The following TANGO6 variants were observed in gnomAD, a reference collection of about 807,000 sequenced individuals.
TANGO6 encodes transport and Golgi organization protein 6 homolog.
In TANGO6, 90 loss-of-function variants were observed where a neutral mutation model predicts 114.2. The observed-to-expected ratio is 0.79, with a 90% CI of 0.66 to 0.94. The LOEUF is 0.94. TANGO6 is among the 40% of genes least tolerant of loss of function. TANGO6 has a pLI of 0.00. For synonymous variants in TANGO6, 477 were observed against 509.8 expected, an observed-to-expected ratio of 0.94 and a Z score of 0.87; for missense variants, 1,274 against 1,315.3, an observed-to-expected ratio of 0.97 and a Z score of 0.49.
At chr16:69,044,215 C>T (rs1042833267) in intron 17 of TANGO6, among the ~76,000 whole-genome samples, 5 of 152,144 alleles carry the variant, frequency 3.3e-5, no homozygotes, top group South Asian at 2.1e-4. Flanking sequence ...CAGATTTGCA[C>T]CATCACGCTC....
chr16:68,853,298 A>G (rs1271119141), intron 1 of TANGO6, among the ~76,000 whole-genome samples: 2 of 151,434 alleles, frequency 1.3e-5, no homozygotes, highest in Non-Finnish European at 2.9e-5. Context: ...AAAAGCATAT[A>G]CTTTTGTCAT....
intron 15 of TANGO6, among the ~76,000 whole-genome samples, chr16:69,010,002 C>T (rs1044127884): frequency 2.0e-5 from 3 of 152,162 alleles, no homozygotes; most frequent in Admixed American, 6.5e-5. Flanking sequence ...CGATTGATGA[C>T]CTGATTCCTC....
intron 17 of TANGO6, among the ~76,000 whole-genome samples, chr16:69,066,620 G>C (rs746657063): frequency 3.9e-5 from 6 of 151,986 alleles, no homozygotes; most frequent in Non-Finnish European, 7.4e-5. Context: ...CTTATTCCTT[G>C]GTGGTAAACC....
intron 15 of TANGO6, among the ~76,000 whole-genome samples, chr16:69,001,161 A>G (rs116775218): frequency 6.6e-6 from 1 of 152,282 alleles, no homozygotes; most frequent in African/African-American, 2.4e-5. Context: ...AGGATACAGG[A>G]CAGAATGGCC....
chr16:68,849,085 A>G (rs1406794084), intron 1 of TANGO6, among the ~76,000 whole-genome samples: 2 of 152,226 alleles, frequency 1.3e-5, no homozygotes, highest in African/African-American at 4.8e-5. Context: ...CTATAATCCC[A>G]GCACTTTGGG....
rs774902775 is a variant in TANGO6, at chr16:68,843,669, G to T, written c.52G>T (p.Asp18Tyr). 1.2e-6 allele frequency: 2 copies of T among 1,613,792 alleles called. No individual in the cohort carries two copies. Among genetic ancestry groups the T allele is most frequent in the Non-Finnish European group, 1.7e-6 (2 of 1,179,742 alleles). ...GSGAQETCGLDRILEALKLLL... is the reference protein window; with the variant it reads ...GSGAQETCGLYRILEALKLLL... ...CGGGGCTCAGGAGACATGCGGTCTG[G>T]ATCGGATTTTGGAGGCATTGAAGCT... Residue 18 changes from aspartate to tyrosine, a missense_variant, in exon 1 of 18, where the codon GAT (aspartate) becomes TAT (tyrosine). By Grantham distance (160) the Asp-to-Tyr change is radical. Coordinates refer to ENST00000261778, the MANE Select transcript of TANGO6 (RefSeq NM_024562.2).
rs181182144 is a variant in TANGO6, at chr16:69,026,534, G to A, written c.2994+3555G>A. ...ATAGGCACTGTACAGGTCATAGCTCGCAGCCTGCATGGACCCCTGGGTTGA... is the reference window on the plus strand; with the variant it reads ...ATAGGCACTGTACAGGTCATAGCTCACAGCCTGCATGGACCCCTGGGTTGA... On this transcript the variant is annotated intron_variant, in intron 16 of 17. Coordinates refer to ENST00000261778, the MANE Select transcript of TANGO6 (RefSeq NM_024562.2). 391 of 165,292 alleles carry A rather than the reference G, an allele frequency of 2.4e-3. 2 individuals carry two copies. Among genetic ancestry groups the A allele is most frequent in the African/African-American group, 8.8e-3 (366 of 41,774 alleles). The allele number at this position is 165,292 out of a possible 1,614,324, so 10.2% of individuals were successfully genotyped here. A position where few individuals can be genotyped will look rare whatever the true frequency, so the allele number is the denominator to read the frequency against.
chr16:69,050,101 G>A (rs1018135855), intron 17 of TANGO6, among the ~76,000 whole-genome samples: 2 of 152,060 alleles, frequency 1.3e-5, no homozygotes, highest in Non-Finnish European at 2.9e-5. Flanking sequence ...ACCTAGAAGT[G>A]GAATTGTTGG....
chr16:68,920,902 A>G (rs1280222194), intron 12 of TANGO6, among the ~76,000 whole-genome samples: 1 of 151,902 alleles, frequency 6.6e-6, no homozygotes, highest in African/African-American at 2.4e-5. Context: ...TCAGGAGGTC[A>G]GGAGATCGAG....
At chr16:69,063,693 A>G (rs1039188348) in intron 17 of TANGO6, among the ~76,000 whole-genome samples, 3 of 137,986 alleles carry the variant, frequency 2.2e-5, no homozygotes, top group African/African-American at 7.7e-5. Context: ...GGGGATTTTT[A>G]ATGAGTAGTG....
chr16:68,998,563 C>T (rs1939189151), intron 15 of TANGO6, among the ~76,000 whole-genome samples: 2 of 151,914 alleles, frequency 1.3e-5, no homozygotes, highest in Non-Finnish European at 1.5e-5. Flanking sequence ...AACCCTGTCT[C>T]TACTAAAAAT....
intron 17 of TANGO6, among the ~76,000 whole-genome samples, chr16:69,049,039 CT>C (rs1488518340): frequency 6.6e-6 from 1 of 152,148 alleles, no homozygotes; most frequent in East Asian, 1.9e-4. Flanking sequence ...CCAGAGCCCC[CT>C]CTTCCCCTTA....
intron 12 of TANGO6, among the ~76,000 whole-genome samples, chr16:68,925,403 G>T (rs187822754): frequency 4.5e-4 from 69 of 152,254 alleles, no homozygotes; most frequent in Middle Eastern, 6.8e-3. Flanking sequence ...CTTTGGTAGG[G>T]TATTCTTCTT....
At chr16:69,001,633 G>A (rs549843229) in intron 15 of TANGO6, among the ~76,000 whole-genome samples, 1 of 152,214 alleles carries the variant, frequency 6.6e-6, no homozygotes, top group South Asian at 2.1e-4. Context: ...CAGTTAGAAA[G>A]CAAAACAGAT....
chr16:69,075,548 G>A (rs1022785541), intron 17 of TANGO6, among the ~76,000 whole-genome samples: 4 of 151,340 alleles, frequency 2.6e-5, no homozygotes, highest in African/African-American at 9.7e-5. Flanking sequence ...CAGCCTCCTG[G>A]GTTCAAGCAA....
At chr16:68,997,490 A>G (rs1004419387) in intron 15 of TANGO6, among the ~76,000 whole-genome samples, 2 of 152,220 alleles carry the variant, frequency 1.3e-5, no homozygotes, top group Admixed American at 6.5e-5. Flanking sequence ...ATAGACTGTC[A>G]TGGTACTGGT....
Position 68,862,980 on chromosome 16 carries a change from G to C in TANGO6, c.771G>C (p.Gly257=), listed in dbSNP as rs551456805. The C allele has an allele frequency of 1.3e-6, 2 of 1,599,896 alleles. No homozygotes were observed. The highest frequency in any genetic ancestry group is 4.5e-5 in the East Asian group (2 of 44,500). Residue 257 remains glycine, a synonymous_variant, in exon 3 of 18, where the codon GGG becomes GGC. Coordinates refer to ENST00000261778, the MANE Select transcript of TANGO6 (RefSeq NM_024562.2). Reference sequence around the variant, plus strand: ...AAGAGGAGAGAACCCTATCCAGGGGGGCCTTGAGAGACATGCTGGATCAAG... The same window carrying C: ...AAGAGGAGAGAACCCTATCCAGGGGCGCCTTGAGAGACATGCTGGATCAAG... The part of the protein sequence containing the change: ...LTEEERTLSR[G]ALRDMLDQVY...
At chr16:68,910,923 C>T (rs1197911897) in intron 11 of TANGO6, among the ~76,000 whole-genome samples, 3 of 152,070 alleles carry the variant, frequency 2.0e-5, no homozygotes, top group Non-Finnish European at 4.4e-5. Context: ...GTGATCCACC[C>T]ACCTTGGCCT....
chr16:68,988,284 A>C (rs1303720915), intron 15 of TANGO6, among the ~76,000 whole-genome samples: 1 of 152,178 alleles, frequency 6.6e-6, no homozygotes, highest in Non-Finnish European at 1.5e-5. Flanking sequence ...AGCACTTGAT[A>C]TGTTTGACCA....
Sources: gnomAD v4.1 joint callset for allele counts (sites outside exome capture counted in the v4.1 genomes callset) on GRCh38, gnomAD v4.1.1 for gene constraint, MANE v1.5 for transcripts, NCBI Gene and HGNC (gene_info 2026-07-23, HGNC 2026-07-21) for gene names.